ANKS1B: variants seen among roughly 807,000 people sequenced by gnomAD.
The protein encoded by ANKS1B is ankyrin repeat and sterile alpha motif domain containing 1B.
A neutral mutation model predicts 148.3 loss-of-function variants in ANKS1B; 36 were observed. The observed-to-expected ratio is 0.24, with a 90% confidence interval of 0.19 to 0.32. ANKS1B has a LOEUF of 0.32. Ranked by LOEUF, ANKS1B falls within the 10% of genes least tolerant of loss-of-function variation. The pLI is 1.00. For synonymous variants in ANKS1B, 542 were observed against 560.8 expected (o/e 0.97, Z 0.47); for missense variants, 1,157 against 1,542.6 (o/e 0.75, Z 4.19).
intron 11 of ANKS1B, among the ~76,000 whole-genome samples, chr12:99,410,662 C>T (rs915755764): frequency 6.6e-6 from 1 of 152,126 alleles, no homozygotes; most frequent in South Asian, 2.1e-4. Context: ...GGGCAAGACT[C>T]CATCTCAAAC....
intron 12 of ANKS1B, among the ~76,000 whole-genome samples, chr12:99,313,066 C>T (rs1191919294): frequency 1.3e-4 from 19 of 151,898 alleles, no homozygotes; most frequent in Admixed American, 1.1e-3. Flanking sequence ...ATCAAATAGA[C>T]ACAATAAAAA....
intron 16 of ANKS1B, among the ~76,000 whole-genome samples, chr12:99,059,104 C>T (rs2041450410): frequency 6.6e-6 from 1 of 152,140 alleles, no homozygotes; most frequent in East Asian, 1.9e-4. Context: ...TCTAATGTTA[C>T]CATTATTCCA....
chr12:99,452,097 ATT>A (rs1207465948), intron 10 of ANKS1B, among the ~76,000 whole-genome samples: 3 of 152,124 alleles, frequency 2.0e-5, no homozygotes, highest in Non-Finnish European at 4.4e-5. Context: ...GATGGTAAAT[ATT>A]GTAAGCTCTG....
At chr12:99,241,971 C>T (rs554961380) in intron 14 of ANKS1B, among the ~76,000 whole-genome samples, 45 of 152,260 alleles carry the variant, frequency 3.0e-4, no homozygotes, top group African/African-American at 1.0e-3. Flanking sequence ...TGGAAGCATT[C>T]CCTTTGAAAA....
At chr12:98,872,292 A>C (rs1395133456) in intron 17 of ANKS1B, among the ~76,000 whole-genome samples, 1 of 152,192 alleles carries the variant, frequency 6.6e-6, no homozygotes, top group Non-Finnish European at 1.5e-5. Flanking sequence ...TAAGCCCAGC[A>C]CTTTGGGAGG....
intron 8 of ANKS1B, among the ~76,000 whole-genome samples, chr12:99,705,491 C>A (rs1484935232): frequency 6.6e-6 from 1 of 152,046 alleles, no homozygotes; most frequent in Non-Finnish European, 1.5e-5. Context: ...TGGAATCAAC[C>A]TAAAGCAAAG....
At chr12:99,407,311 T>C (rs2094554707) in intron 11 of ANKS1B, among the ~76,000 whole-genome samples, 1 of 145,810 alleles carries the variant, frequency 6.9e-6, no homozygotes, top group South Asian at 2.1e-4. Context: ...TGAAAAAGAA[T>C]TTGATAAAAT....
intron 10 of ANKS1B, among the ~76,000 whole-genome samples, chr12:99,462,973 T>C (rs957089144): frequency 4.6e-5 from 7 of 152,232 alleles, no homozygotes; most frequent in African/African-American, 1.2e-4. Flanking sequence ...GTTCATGCCA[T>C]GCTTGAACAT....
At chr12:99,265,068 A>C (rs1315239747) in intron 12 of ANKS1B, among the ~76,000 whole-genome samples, 3 of 152,192 alleles carry the variant, frequency 2.0e-5, no homozygotes, top group African/African-American at 7.2e-5. Context: ...TAGCTGGTCC[A>C]AATCAATAAT....
intron 12 of ANKS1B, among the ~76,000 whole-genome samples, chr12:99,287,346 G>A (rs1218518531): frequency 6.6e-6 from 1 of 152,170 alleles, no homozygotes; most frequent in South Asian, 2.1e-4. Flanking sequence ...GTGTTACTGA[G>A]CATGGAGTGC....
chr12:99,402,614 T>G (rs1256197654), intron 11 of ANKS1B, among the ~76,000 whole-genome samples: 3 of 145,880 alleles, frequency 2.1e-5, no homozygotes, highest in African/African-American at 7.8e-5. Flanking sequence ...GATAACAGCC[T>G]CCAGCTCCAT....
intron 12 of ANKS1B, chr12:99,341,337 A>C (rs140567441): frequency 6.6e-6 from 1 of 152,250 alleles, no homozygotes; most frequent in Non-Finnish European, 1.5e-5. Context: ...GATGTTTCAC[A>C]ACCAGAAACA....
rs545859174 is a variant in ANKS1B, at chr12:99,919,511, T to C, written c.134+64593A>G. On this transcript the variant is annotated intron_variant, in intron 1 of 26. Transcript: ENST00000683438. ...GATGGAAATAAATTGGAAGCTTGCATAAACAGATTAAAACACAGATTCACA... is the reference window on the plus strand; with the variant it reads ...GATGGAAATAAATTGGAAGCTTGCACAAACAGATTAAAACACAGATTCACA... Among the ~76,000 whole-genome samples, 5 of 152,270 alleles carry C rather than the reference T, an allele frequency of 3.3e-5. No individual in the cohort carries two copies. In the East Asian group the frequency reaches 9.6e-4, roughly 29 times the overall value.
At chr12:99,901,665 C>T (rs533337186) in intron 1 of ANKS1B, among the ~76,000 whole-genome samples, 224 of 152,324 alleles carry the variant, frequency 1.5e-3, no homozygotes, top group African/African-American at 5.2e-3. Flanking sequence ...CCTTACTCCA[C>T]TCAACAAAGC....
At position 99,648,094 on chromosome 12, in the gene ANKS1B, C is replaced by T. The variant is rs879054947; in HGVS notation, c.1272+6973G>A. 12 of 1,529,908 alleles carry T rather than the reference C, an allele frequency of 7.8e-6. No homozygotes were observed. In the Admixed American group the frequency reaches 2.5e-4, roughly 31 times the overall value. 94.8% of individuals were successfully genotyped at this position (1,529,908 alleles called of 1,614,324 possible). ...CTGCTGGCCCACCTGCCAGAGTAGC[C>T]AAGGAAACAGGATGCCCGCTAAAGC... is the stretch of plus-strand genomic sequence containing the variant. On this transcript the variant is annotated intron_variant, in intron 9 of 26. Coordinates refer to ENST00000683438, the MANE Select transcript of ANKS1B (RefSeq NM_001352186.2).
chr12:99,968,620 T>C (rs545387341), intron 1 of ANKS1B, among the ~76,000 whole-genome samples: 15 of 152,176 alleles, frequency 9.9e-5, no homozygotes, highest in Non-Finnish European at 2.1e-4. Context: ...ACTTTCCTTC[T>C]TTGTGTGAAA....
intron 12 of ANKS1B, among the ~76,000 whole-genome samples, chr12:99,334,151 T>TAGACAGACAGACAGAC (rs750913591): frequency 6.7e-6 from 1 of 150,166 alleles, no homozygotes; most frequent in African/African-American, 2.5e-5. Context: ...GATAGATAGA[T>TAGACAGACAGACAGAC]AGACAGACAG....
chr12:99,083,011 T>C (rs1413471358), intron 16 of ANKS1B, among the ~76,000 whole-genome samples: 5 of 152,100 alleles, frequency 3.3e-5, no homozygotes, highest in African/African-American at 4.8e-5. Flanking sequence ...GTGAACAATA[T>C]GCTCATAGGA....
At chr12:99,128,627 G>A (rs377042396) in intron 15 of ANKS1B, among the ~76,000 whole-genome samples, 22 of 152,240 alleles carry the variant, frequency 1.4e-4, no homozygotes, top group African/African-American at 4.8e-4. Context: ...CTCTCAAATT[G>A]GTTGAAATAA....
Sources: gnomAD v4.1 joint callset for allele counts (sites outside exome capture counted in the v4.1 genomes callset) on GRCh38, gnomAD v4.1.1 for gene constraint, MANE v1.5 for transcripts, NCBI Gene and HGNC (gene_info 2026-07-23, HGNC 2026-07-21) for gene names.